Variants in NBAS observed in about 807,000 individuals in gnomAD.
NBAS encodes the protein NAG/BC035112 fusion.
Under a neutral mutation model 302.5 loss-of-function variants are expected in NBAS, and 219 were observed. The ratio of observed to expected loss-of-function variants is 0.72; its 90% confidence interval spans 0.65 to 0.81. The LOEUF (loss-of-function observed/expected upper bound fraction) is 0.81. Ranked by LOEUF, NBAS falls within the 30% of genes least tolerant of loss-of-function variation. NBAS has a pLI of 0.00. For synonymous variants in NBAS, 1,118 were observed against 1,021.6 expected, an observed-to-expected ratio of 1.09 and a Z score of -1.80; for missense variants, 2,932 against 2,841.6, an observed-to-expected ratio of 1.03 and a Z score of -0.72.
At chr2:15,050,246 T>C in the NBAS span, among the ~76,000 whole-genome samples, 5 of 152,186 alleles carry the variant, frequency 3.3e-5, no homozygotes, top group African/African-American at 1.2e-4. Context: ...TATCCTTTTT[T>C]TAAATTTTTT....
In NBAS at chr2:15,234,694, C is replaced by T. The variant is rs146811814; in HGVS notation, c.5997G>A (p.Glu1999=). 3.5e-5 allele frequency: 56 copies of T among 1,614,046 alleles called. No homozygotes were observed. Among genetic ancestry groups the T allele is most frequent in the Non-Finnish European group, 4.5e-5 (53 of 1,180,026 alleles). ...HLYDLSRSEK[E]KLHDEAVAIC... Reference sequence around the variant, plus strand: ...TAGCCACAGCTTCATCATGAAGTTTCTCTTTTTCTGATCGGGACAGATCAT... The same window carrying T: ...TAGCCACAGCTTCATCATGAAGTTTTTCTTTTTCTGATCGGGACAGATCAT... The change falls in exon 46 of 52, where the codon GAG becomes GAA. Residue 1999 remains glutamate, a synonymous_variant. Transcript: ENST00000281513.
chr2:14,838,670 C>T, the NBAS span, among the ~76,000 whole-genome samples: 1 of 151,836 alleles, frequency 6.6e-6, no homozygotes, highest in Non-Finnish European at 1.5e-5. Context: ...TTTTCAAGGA[C>T]TCAGATAATA....
intron 48 of NBAS, 81 bp from the exon 49 acceptor site, chr2:15,190,484 T>A: frequency 6.7e-7 from 1 of 1,502,138 alleles, no homozygotes; most frequent in South Asian, 1.2e-5. Context: ...TTATTTTAAT[T>A]AAACTTTTTT....
At chr2:14,902,649 C>A in the NBAS span, among the ~76,000 whole-genome samples, 2 of 152,054 alleles carry the variant, frequency 1.3e-5, no homozygotes, top group Admixed American at 6.5e-5. Flanking sequence ...GGCAATGAGA[C>A]CTATTCCCTG....
the NBAS span, among the ~76,000 whole-genome samples, chr2:14,895,993 G>A: frequency 9.0e-6 from 1 of 111,214 alleles, no homozygotes; most frequent in Non-Finnish European, 1.7e-5. Flanking sequence ...TACCTCCTGA[G>A]ACTATAAAGG....
intron 29 of NBAS, 29 bp from the exon 30 acceptor site, chr2:15,379,860 T>TA: frequency 6.3e-7 from 1 of 1,590,418 alleles, no homozygotes; most frequent in Non-Finnish European, 8.6e-7. Context: ...TGGAATTAGT[T>TA]ATAGAGAGGG....
the NBAS span, among the ~76,000 whole-genome samples, chr2:14,955,834 A>G: frequency 2.0e-5 from 3 of 152,242 alleles, no homozygotes; most frequent in African/African-American, 7.2e-5. Flanking sequence ...CTACCTCTCC[A>G]GGCCTGTGAT....
intron 48 of NBAS, among the ~76,000 whole-genome samples, chr2:15,213,431 A>G (rs572049666): frequency 3.9e-5 from 6 of 152,212 alleles, no homozygotes; most frequent in Non-Finnish European, 5.9e-5. Flanking sequence ...CTATTCTGTC[A>G]AACCCCTGAT....
At chr2:14,883,978 A>AT in the NBAS span, among the ~76,000 whole-genome samples, 3 of 151,770 alleles carry the variant, frequency 2.0e-5, no homozygotes, top group Non-Finnish European at 4.4e-5. Flanking sequence ...TCTCAAAAAA[A>AT]ATAAAATAAA....
At chr2:15,219,181 A>G (rs1223963641) in intron 47 of NBAS, among the ~76,000 whole-genome samples, 1 of 152,242 alleles carries the variant, frequency 6.6e-6, no homozygotes, top group African/African-American at 2.4e-5. Flanking sequence ...TTAAAACAGT[A>G]TCATATTAAA....
At chr2:14,942,025 G>A in the NBAS span, among the ~76,000 whole-genome samples, 3 of 152,188 alleles carry the variant, frequency 2.0e-5, no homozygotes, top group African/African-American at 7.2e-5. Context: ...AAACCGTTGA[G>A]TACCAAATTG....
At chr2:15,525,513 T>A (rs1052712293) in intron 9 of NBAS, among the ~76,000 whole-genome samples, 3 of 152,214 alleles carry the variant, frequency 2.0e-5, no homozygotes, top group African/African-American at 7.2e-5. Flanking sequence ...TCTATAGATA[T>A]AGAACCAACC....
chr2:15,203,882 GTGTGTGCT>G lies in NBAS; in HGVS notation c.6433-13487_6433-13480del, dbSNP rs1425999171. Among the ~76,000 whole-genome samples the G allele has an allele frequency of 3.0e-3, 380 of 124,844 alleles. 4 individuals are homozygous for G. The highest frequency in any genetic ancestry group is 0.011 in the African/African-American group (352 of 31,994). 81.9% of individuals were successfully genotyped at this position (124,844 alleles called of 152,430 possible). A position where few individuals can be genotyped will look rare whatever the true frequency, so the allele number is the denominator to read the frequency against. On this transcript the variant is annotated intron_variant, in intron 48 of 51. Coordinates refer to ENST00000281513, the MANE Select transcript of NBAS (RefSeq NM_015909.4). ...TGTGTGTCTGTGTCTGTGTGTGTGT[GTGTGTGCT>G]TGTGTGTGTGTGTGTGTGTGTGTGT... is the stretch of plus-strand genomic sequence containing the variant.
At chr2:15,523,435 A>G (rs1662773027) in intron 9 of NBAS, among the ~76,000 whole-genome samples, 1 of 146,620 alleles carries the variant, frequency 6.8e-6, no homozygotes, top group Non-Finnish European at 1.5e-5. Context: ...GAGCATTTAC[A>G]TTGGATGAGG....
chr2:14,882,625 C>T, the NBAS span, among the ~76,000 whole-genome samples: 901 of 152,284 alleles, frequency 5.9e-3, 10 homozygotes, highest in African/African-American at 0.021. Flanking sequence ...AAATAATCCA[C>T]ATGGGTTCTG....
At chr2:14,941,807 C>T in the NBAS span, among the ~76,000 whole-genome samples, 1 of 152,196 alleles carries the variant, frequency 6.6e-6, no homozygotes, top group East Asian at 1.9e-4. Context: ...ATCTTCATTT[C>T]CTTCCACATC....
At chr2:15,461,614 C>T in intron 20 of NBAS, 73 bp downstream of exon 20, 1 of 943,172 alleles carries the variant, frequency 1.1e-6, no homozygotes, top group African/African-American at 1.7e-5. Context: ...CACACAATAA[C>T]ATTAACTGCA....
chr2:15,274,595 G>A (rs1169372097), intron 44 of NBAS, among the ~76,000 whole-genome samples: 1 of 152,166 alleles, frequency 6.6e-6, no homozygotes, highest in East Asian at 1.9e-4. Flanking sequence ...AGGGGAGGAG[G>A]AGAACCCACA....
At chr2:15,245,595 T>C (rs372347163) in intron 44 of NBAS, among the ~76,000 whole-genome samples, 29 of 142,852 alleles carry the variant, frequency 2.0e-4, no homozygotes, top group African/African-American at 7.5e-4. Flanking sequence ...CAAATGCCTC[T>C]CTGTTGAATG....
Sources: allele counts gnomAD v4.1 joint callset (sites outside exome capture counted in the v4.1 genomes callset), GRCh38; gene constraint gnomAD v4.1.1; transcripts MANE v1.5; gene names NCBI Gene and HGNC (gene_info 2026-07-23, HGNC 2026-07-21).